The following DOCK7 variants were observed in gnomAD, a reference collection of about 807,000 sequenced individuals.
DOCK7 encodes the protein dedicator of cytokinesis protein 7.
DOCK7 carries 138 observed loss-of-function variants against 271.0 expected under a neutral mutation model. The observed-to-expected ratio is 0.51, with a 90% CI of 0.44 to 0.59. The LOEUF (loss-of-function observed/expected upper bound fraction) is 0.59, where lower values mean the gene tolerates loss of function less well. DOCK7 is among the 20% of genes least tolerant of loss of function. DOCK7 has a pLI of 0.00. For synonymous variants in DOCK7, 823 were observed against 876.1 expected (o/e 0.94, Z 1.07); for missense variants, 2,066 against 2,592.4 (o/e 0.80, Z 4.41).
At chr1:62,519,015 A>ACG (rs1288690264) in intron 31 of DOCK7, among the ~76,000 whole-genome samples, 1 of 151,622 alleles carries the variant, frequency 6.6e-6, no homozygotes, top group East Asian at 1.9e-4. Context: ...ATACACACAC[A>ACG]CACACACACA....
At chr1:62,538,642 T>C (rs541658853) in intron 27 of DOCK7, among the ~76,000 whole-genome samples, 21 of 152,332 alleles carry the variant, frequency 1.4e-4, no homozygotes, top group African/African-American at 4.6e-4. Context: ...GTTGCAAGTA[T>C]TTCCATGTGG....
chr1:62,545,992 GA>G (rs2149406326), intron 22 of DOCK7, among the ~76,000 whole-genome samples: 1 of 152,212 alleles, frequency 6.6e-6, no homozygotes, highest in South Asian at 2.1e-4. Context: ...AGTTGTAAAA[GA>G]TTTTTAAAGA....
chr1:62,487,226 A>G (rs1361229737), intron 43 of DOCK7, 172 bp downstream of exon 43: 1 of 581,252 alleles, frequency 1.7e-6, no homozygotes. Context: ...ATAATAAGAT[A>G]TTTCTTAAAA....
At chr1:62,687,960 G>A (rs958469781) in intron 1 of DOCK7, among the ~76,000 whole-genome samples, 1 of 152,212 alleles carries the variant, frequency 6.6e-6, no homozygotes, top group African/African-American at 2.4e-5. Flanking sequence ...GGAGCAGGAG[G>A]AGGCGGGCGC....
At chr1:62,655,317 T>C (rs895234039) in intron 2 of DOCK7, among the ~76,000 whole-genome samples, 6 of 152,192 alleles carry the variant, frequency 3.9e-5, no homozygotes, top group Non-Finnish European at 7.3e-5. Context: ...TTTCTCAGGA[T>C]AGTCATCTGG....
At position 62,556,005 on chromosome 1, in the gene DOCK7, A is replaced by G. The variant is rs370002731; in HGVS notation, c.2432-16T>C. 1 of 1,611,346 alleles carries G rather than the reference A, an allele frequency of 6.2e-7. No individual in the cohort carries two copies. Among genetic ancestry groups the G allele is most frequent in the African/African-American group, 1.3e-5 (1 of 74,756 alleles). ...CCTAGGTTAACTTTTAAGAAAGAAGAAGTATTTACCTTTGCTTTAACTTTT... is the reference window on the plus strand; with the variant it reads ...CCTAGGTTAACTTTTAAGAAAGAAGGAGTATTTACCTTTGCTTTAACTTTT... On this transcript the variant is annotated splice_polypyrimidine_tract_variant and intron_variant, in intron 20 of 49. Coordinates refer to ENST00000635253, the MANE Select transcript of DOCK7 (RefSeq NM_001367561.1).
intron 41 of DOCK7, among the ~76,000 whole-genome samples, chr1:62,489,810 C>T (rs1460033267): frequency 6.6e-6 from 1 of 152,104 alleles, no homozygotes; most frequent in Admixed American, 6.5e-5. Flanking sequence ...GTCACAGATA[C>T]CCAATTCTCC....
In DOCK7 at chr1:62,459,086, A is replaced by C. The variant is rs1165393812; in HGVS notation, c.6213-1381T>G. On this transcript the variant is annotated intron_variant, in intron 48 of 49. Coordinates refer to ENST00000635253, the MANE Select transcript of DOCK7 (RefSeq NM_001367561.1). ...AAATAAGATTTTAAAATAGAGTATC[A>C]AAAATTGCAAAAGTTGGTTCTTTGA... 2.0e-5 allele frequency: 3 copies of C among 152,324 alleles called. No homozygotes were observed. The East Asian group carries it at 5.8e-4, about 29-fold the overall frequency. 9.4% of individuals were successfully genotyped at this position (152,324 alleles called of 1,614,324 possible).
intron 39 of DOCK7, 197 bp from the exon 40 acceptor site, chr1:62,494,664 T>TGG (rs55853774): frequency 1.8e-4 from 51 of 289,716 alleles, no homozygotes; most frequent in South Asian, 4.8e-4. Flanking sequence ...TATCAGTTGG[T>TGG]GGGGGGGGCA....
Position 62,634,771 on chromosome 1 carries a change from A to G in DOCK7, c.1035+2T>C. On this transcript the variant is annotated splice_donor_variant, in intron 9 of 49. Coordinates refer to ENST00000635253, the MANE Select transcript of DOCK7 (RefSeq NM_001367561.1). LOFTEE classifies it high-confidence loss of function. Reference sequence around the variant, plus strand: ...AACAAATATATTTAACATTATTCTCACCTTTATTACAAGAAAAACATCTTG... The same window carrying G: ...AACAAATATATTTAACATTATTCTCGCCTTTATTACAAGAAAAACATCTTG... 6.2e-7 allele frequency: 1 copy of G among 1,609,720 alleles called. No homozygotes were observed. The highest frequency in any genetic ancestry group is 8.5e-7 in the Non-Finnish European group (1 of 1,177,316).
intron 17 of DOCK7, among the ~76,000 whole-genome samples, chr1:62,578,126 G>A (rs954817013): frequency 2.0e-5 from 3 of 151,936 alleles, no homozygotes; most frequent in African/African-American, 7.3e-5. Flanking sequence ...GTTATGCCAA[G>A]CTGGAAAGCA....
At chr1:62,535,434 T>C in intron 29 of DOCK7, 59 bp downstream of exon 29, 2 of 1,463,618 alleles carry the variant, frequency 1.4e-6, no homozygotes, top group Non-Finnish European at 1.9e-6. Context: ...AGTGGAATAC[T>C]TCTGTCCACT....
chr1:62,489,712 T>C (rs570351168), intron 41 of DOCK7, among the ~76,000 whole-genome samples: 1 of 152,286 alleles, frequency 6.6e-6, no homozygotes, highest in East Asian at 1.9e-4. Context: ...TCACTAAGGT[T>C]AATGTGTGTA....
At chr1:62,664,723 C>T (rs962627300) in intron 1 of DOCK7, among the ~76,000 whole-genome samples, 6 of 150,432 alleles carry the variant, frequency 4.0e-5, no homozygotes, top group Non-Finnish European at 8.8e-5. Context: ...ACTTTCTATA[C>T]TTTCCATTCA....
intron 8 of DOCK7, among the ~76,000 whole-genome samples, chr1:62,635,973 A>T (rs1051755303): frequency 2.0e-5 from 3 of 152,040 alleles, no homozygotes; most frequent in African/African-American, 4.8e-5. Context: ...GAAATGTTGT[A>T]AAATAACCTT....
At chr1:62,541,957 G>C (rs1244499507) in intron 25 of DOCK7, among the ~76,000 whole-genome samples, 1 of 152,096 alleles carries the variant, frequency 6.6e-6, no homozygotes, top group Non-Finnish European at 1.5e-5. Flanking sequence ...CTGCAGCCTT[G>C]AACTTCTGGG....
chr1:62,586,892 T>C (rs2149499801), intron 14 of DOCK7, among the ~76,000 whole-genome samples: 1 of 152,222 alleles, frequency 6.6e-6, no homozygotes, highest in African/African-American at 2.4e-5. Flanking sequence ...GTGACAAAGC[T>C]GAAATCAGAG....
chr1:62,473,522 A>C (rs1003330997), intron 48 of DOCK7, among the ~76,000 whole-genome samples: 20 of 152,148 alleles, frequency 1.3e-4, no homozygotes, highest in African/African-American at 4.8e-4. Context: ...ATATGCTATT[A>C]AAGAGTAGTA....
At chr1:62,487,223 G>A (rs2149282007) in intron 43 of DOCK7, 175 bp downstream of exon 43, 1 of 572,572 alleles carries the variant, frequency 1.7e-6, no homozygotes, top group African/African-American at 1.9e-5. Context: ...CTCATAATAA[G>A]ATATTTCTTA....
Sources: gnomAD v4.1 joint callset for allele counts (sites outside exome capture counted in the v4.1 genomes callset) on GRCh38, gnomAD v4.1.1 for gene constraint, MANE v1.5 for transcripts, NCBI Gene and HGNC (gene_info 2026-07-23, HGNC 2026-07-21) for gene names.